MTAP: variants seen among roughly 807,000 people sequenced by gnomAD.
MTAP encodes S-methyl-5'-thioadenosine phosphorylase.
A neutral mutation model predicts 33.6 loss-of-function variants in MTAP; 33 were observed. The observed-to-expected ratio is 0.98, with a 90% CI of 0.74 to 1.31. MTAP has a LOEUF of 1.31. Among genes scored for constraint, MTAP ranks in the 40% most tolerant of loss-of-function variants. The probability of loss-of-function intolerance (pLI) is 0.00; values close to 1 mark genes in which losing one functional copy is unlikely to be tolerated. For synonymous variants in MTAP, 148 were observed against 125.7 expected, an observed-to-expected ratio of 1.18 and a Z score of -1.19; for missense variants, 367 against 360.0, an observed-to-expected ratio of 1.02 and a Z score of -0.16.
chr9:21,871,599 T>A (rs1825938240), downstream of MTAP, among the ~76,000 whole-genome samples: 1 of 152,234 alleles, frequency 6.6e-6, no homozygotes, highest in African/African-American at 2.4e-5. Context: ...ACTGTGTATG[T>A]CTATATATAC....
chr9:21,842,863 C>T lies in MTAP; in HGVS notation c.450+4853C>T, dbSNP rs560854634. ...CAATAATACAATGGTGAAAGAACAA[C>T]GTCTTTAGGCAAAAGCTAGCATGAT... On this transcript the variant is annotated intron_variant, in intron 5 of 7. Transcript: ENST00000644715. Among the ~76,000 whole-genome samples the T allele has an allele frequency of 1.7e-3, 262 of 152,164 alleles. 1 individual carries two copies. The highest frequency in any genetic ancestry group is 2.8e-3 in the Non-Finnish European group (188 of 67,940).
At chr9:21,842,946 C>A in intron 5 of MTAP, among the ~76,000 whole-genome samples, 1 of 152,082 alleles carries the variant, frequency 6.6e-6, no homozygotes, top group Admixed American at 6.5e-5. Context: ...ACCTAAATGC[C>A]CCACTTAAGA....
intron 5 of MTAP, among the ~76,000 whole-genome samples, chr9:21,852,380 G>A (rs537404285): frequency 2.8e-4 from 42 of 152,068 alleles, no homozygotes; most frequent in Middle Eastern, 3.4e-3. Context: ...CCGTGGTGGC[G>A]GGTGCCTGTA....
At chr9:21,857,520 A>G (rs1365258676) in intron 6 of MTAP, among the ~76,000 whole-genome samples, 2 of 152,218 alleles carry the variant, frequency 1.3e-5, no homozygotes, top group Non-Finnish European at 2.9e-5. Flanking sequence ...ATAGGAAGGC[A>G]TGTCAAGTAC....
downstream of MTAP, among the ~76,000 whole-genome samples, chr9:21,871,702 T>C (rs1825940211): frequency 6.6e-6 from 1 of 152,208 alleles, no homozygotes; most frequent in Admixed American, 6.5e-5. Context: ...AAATCCCTTC[T>C]TCCCAGGATT....
At chr9:21,873,856 A>G (rs553587736) in intron 1 of MTAP, among the ~76,000 whole-genome samples, 2 of 152,284 alleles carry the variant, frequency 1.3e-5, no homozygotes, top group South Asian at 2.1e-4. Context: ...AATTCAGTGT[A>G]TAAGTGAAAA....
chr9:21,816,700 T>A lies in MTAP; in HGVS notation c.121-14T>A. The A allele has an allele frequency of 6.2e-7, 1 of 1,607,174 alleles. No individual in the cohort carries two copies. Among genetic ancestry groups the A allele is most frequent in the Non-Finnish European group, 8.5e-7 (1 of 1,177,428 alleles). On this transcript the variant is annotated splice_polypyrimidine_tract_variant and intron_variant, in intron 2 of 7. Transcript: ENST00000644715. ...AAATCACTGAGTTAAATGTCATTTTTTCATTGCATGCAGCCATCTGATGCC... is the reference window on the plus strand; with the variant it reads ...AAATCACTGAGTTAAATGTCATTTTATCATTGCATGCAGCCATCTGATGCC...
intron 4 of MTAP, among the ~76,000 whole-genome samples, chr9:21,823,386 G>A (rs1264260735): frequency 6.6e-6 from 1 of 152,140 alleles, no homozygotes; most frequent in Non-Finnish European, 1.5e-5. Context: ...TAGTTTGGCT[G>A]GATATGAAAT....
chr9:21,930,613 G>A, intron 1 of MTAP: 1 of 380,484 alleles, frequency 2.6e-6, no homozygotes, highest in East Asian at 4.5e-5. Context: ...AACTCTGAAA[G>A]GAAATAGCCA....
chr9:21,884,988 G>A (rs572037687), intron 1 of MTAP, among the ~76,000 whole-genome samples: 6 of 152,264 alleles, frequency 3.9e-5, no homozygotes, highest in Admixed American at 1.3e-4. Flanking sequence ...GAGGGAAAGG[G>A]TTATGATAGA....
At chr9:21,902,894 C>T (rs560134388) in intron 1 of MTAP, among the ~76,000 whole-genome samples, 2 of 152,292 alleles carry the variant, frequency 1.3e-5, no homozygotes, top group South Asian at 2.1e-4. Flanking sequence ...AATATCAACA[C>T]ATTATGCTTG....
At chr9:21,920,284 C>T (rs866937717) in intron 1 of MTAP, among the ~76,000 whole-genome samples, 2 of 152,084 alleles carry the variant, frequency 1.3e-5, no homozygotes, top group Non-Finnish European at 2.9e-5. Flanking sequence ...TATAAATAAA[C>T]AGTGCCCACC....
chr9:21,849,898 A>G (rs1825471082), intron 5 of MTAP, among the ~76,000 whole-genome samples: 1 of 152,228 alleles, frequency 6.6e-6, no homozygotes, highest in Non-Finnish European at 1.5e-5. Context: ...GTATGCAGCC[A>G]TTGACTTGGA....
chr9:21,870,103 C>T (rs1287687312), downstream of MTAP, among the ~76,000 whole-genome samples: 2 of 152,192 alleles, frequency 1.3e-5, no homozygotes, highest in Non-Finnish European at 2.9e-5. Flanking sequence ...CACCTGGCCT[C>T]ACTACAGCAG....
intron 5 of MTAP, among the ~76,000 whole-genome samples, chr9:21,851,588 T>G (rs137941354): frequency 3.3e-5 from 5 of 152,308 alleles, no homozygotes; most frequent in African/African-American, 1.2e-4. Flanking sequence ...ATGTATGATC[T>G]CAGGAGATGT....
At chr9:21,829,025 C>T (rs540717349) in intron 4 of MTAP, among the ~76,000 whole-genome samples, 81 of 152,136 alleles carry the variant, frequency 5.3e-4, no homozygotes, top group Non-Finnish European at 3.7e-4. Flanking sequence ...TGTGTTTGAA[C>T]ATCTCATAGC....
At chr9:21,803,036 A>ACACACACACACACACCCC in intron 1 of MTAP, 1 of 1,039,824 alleles carries the variant, frequency 9.6e-7, no homozygotes, top group African/African-American at 1.8e-5. Flanking sequence ...ACACACACAC[A>ACACACACACACACACCCC]CCACCTTTTG....
chr9:21,918,349 CAAAAAAAA>C (rs34446505), intron 1 of MTAP, among the ~76,000 whole-genome samples: 4 of 23,812 alleles, frequency 1.7e-4, no homozygotes, highest in African/African-American at 6.5e-4. Context: ...GACTCCGTCT[CAAAAAAAA>C]AAAAAAAAAA....
At chr9:21,895,481 C>G (rs1248240023) in intron 1 of MTAP, among the ~76,000 whole-genome samples, 2 of 152,174 alleles carry the variant, frequency 1.3e-5, no homozygotes, top group Non-Finnish European at 2.9e-5. Context: ...GCTTGTCAGA[C>G]AGTGGGTGCA....
Sources: gnomAD v4.1 joint callset for allele counts (sites outside exome capture counted in the v4.1 genomes callset) on GRCh38, gnomAD v4.1.1 for gene constraint, MANE v1.5 for transcripts, NCBI Gene and HGNC (gene_info 2026-07-23, HGNC 2026-07-21) for gene names.